The following SPTBN4 variants were observed in gnomAD, a reference collection of about 807,000 sequenced individuals.
SPTBN4 encodes the protein spectrin beta chain, non-erythrocytic 4.
In SPTBN4, 96 loss-of-function variants were observed where a neutral mutation model predicts 277.8. The ratio of observed to expected loss-of-function variants is 0.35; its 90% CI spans 0.29 to 0.41. The LOEUF is 0.41. Among genes scored for constraint, SPTBN4 ranks in the 10% least tolerant of loss-of-function variants. SPTBN4 has a pLI of 1.00. For synonymous variants in SPTBN4, 1,481 were observed against 1,580.3 expected (o/e 0.94, Z 1.49); for missense variants, 3,006 against 3,595.7 (o/e 0.84, Z 4.19).
chr19:40,573,855 A>G (rs540695168), intron 35 of SPTBN4, among the ~76,000 whole-genome samples: 21 of 152,120 alleles, frequency 1.4e-4, no homozygotes, highest in Non-Finnish European at 2.8e-4. Context: ...TAATCCCAGC[A>G]TTTTGGGAGG....
At chr19:40,518,710 C>A (rs1478428489) in intron 15 of SPTBN4, among the ~76,000 whole-genome samples, 1 of 152,132 alleles carries the variant, frequency 6.6e-6, no homozygotes, top group African/African-American at 2.4e-5. Flanking sequence ...AGGTGTGAAC[C>A]ACTGCACCCG....
intron 13 of SPTBN4, among the ~76,000 whole-genome samples, chr19:40,511,921 T>A (rs1305420183): frequency 6.6e-6 from 1 of 151,758 alleles, no homozygotes; most frequent in East Asian, 1.9e-4. Flanking sequence ...GTCAGGAGTT[T>A]GAGACCAGCC....
chr19:40,478,373 A>G (rs2079971911), intron 2 of SPTBN4, among the ~76,000 whole-genome samples: 1 of 152,220 alleles, frequency 6.6e-6, no homozygotes, highest in South Asian at 2.1e-4. Flanking sequence ...TCCTGTATGC[A>G]CAAAACTTTA....
Position 40,511,278 on chromosome 19 carries a change from C to T in SPTBN4, c.1817-1328C>T, listed in dbSNP as rs1378017587. Among the ~76,000 whole-genome samples the T allele has an allele frequency of 2.6e-5, 4 of 151,638 alleles. No homozygotes were observed. The South Asian group carries it at 6.2e-4, about 24-fold the overall frequency. ...AAAAAATTAGCTGGACATGGTGGCA[C>T]GCGCCTGTAATCCCAACTACTCTGG... On this transcript the variant is annotated intron_variant, in intron 13 of 35. Transcript: ENST00000598249.
chr19:40,556,026 C>A, intron 24 of SPTBN4, 58 bp from the exon 25 acceptor site: 1 of 1,496,764 alleles, frequency 6.7e-7, no homozygotes, highest in Non-Finnish European at 9.0e-7. Context: ...TTAGGGGGGT[C>A]ACGCTCTGCC....
chr19:40,480,815 C>T (rs2080002530), intron 2 of SPTBN4, among the ~76,000 whole-genome samples: 1 of 152,132 alleles, frequency 6.6e-6, no homozygotes, highest in African/African-American at 2.4e-5. Flanking sequence ...GTAATCCCAG[C>T]ACTTTGGGAG....
At chr19:40,498,246 A>C (rs1032722841) in intron 7 of SPTBN4, among the ~76,000 whole-genome samples, 3 of 152,134 alleles carry the variant, frequency 2.0e-5, no homozygotes, top group South Asian at 2.1e-4. Context: ...ATCCCAAATT[A>C]AAGCTGCTCC....
intron 13 of SPTBN4, among the ~76,000 whole-genome samples, chr19:40,510,169 C>T (rs1413435319): frequency 6.6e-6 from 1 of 152,072 alleles, no homozygotes; most frequent in Non-Finnish European, 1.5e-5. Flanking sequence ...GGCAATCCTT[C>T]CCCTCTCTGA....
intron 2 of SPTBN4, among the ~76,000 whole-genome samples, chr19:40,477,215 T>C (rs1362616184): frequency 6.6e-6 from 1 of 151,768 alleles, no homozygotes; most frequent in Non-Finnish European, 1.5e-5. Context: ...AATTTTCTTA[T>C]TATTTTATTT....
At chr19:40,570,380 A>T in intron 32 of SPTBN4, 56 bp from the exon 33 acceptor site, 2 of 1,275,974 alleles carry the variant, frequency 1.6e-6, no homozygotes, top group Non-Finnish European at 2.1e-6. Context: ...CCCCAAACAG[A>T]TGACCCCCAC....
chr19:40,524,503 T>C lies in SPTBN4; in HGVS notation c.3857+864T>C, dbSNP rs928355339. On this transcript the variant is annotated intron_variant, in intron 17 of 35. Coordinates refer to ENST00000598249, the MANE Select transcript of SPTBN4 (RefSeq NM_020971.3). ...GCCTGGATGACACAGCAACATTCTG[T>C]CCCCCCTCCAAAAAAAAAATGTGTT... The C allele has an allele frequency of 6.7e-6, 3 of 444,694 alleles. 1 individual carries two copies. The highest frequency in any genetic ancestry group is 4.8e-5 in the South Asian group (3 of 61,988). 27.5% of individuals were successfully genotyped at this position (444,694 alleles called of 1,614,324 possible).
At chr19:40,565,291 G>T in intron 27 of SPTBN4, 132 bp from the exon 28 acceptor site, 2 of 1,168,620 alleles carry the variant, frequency 1.7e-6, no homozygotes, top group African/African-American at 1.6e-5. Context: ...GAAAAGAAAA[G>T]AAAAGAAAGT....
Position 40,565,662 on chromosome 19 carries a change from T to C in SPTBN4, c.6056T>C (p.Ile2019Thr). The change falls in exon 29 of 36, where the codon ATC becomes ACC. Residue 2019 changes from isoleucine (I) to threonine (T), a missense_variant and splice_region_variant. Coordinates refer to ENST00000598249, the MANE Select transcript of SPTBN4 (RefSeq NM_020971.3). ...CTCCCACCCACCTGCCACTCCCAGA[T>C]CCAGGCACAGCTGGACAAGCTGGGA... is the stretch of plus-strand genomic sequence containing the variant. ...LLNKSAMADE[I>T]QAQLDKLGTR... is the part of the protein sequence containing the mutation. The C allele has an allele frequency of 1.3e-6, 2 of 1,556,870 alleles. No homozygotes were observed. Among genetic ancestry groups the C allele is most frequent in the Non-Finnish European group, 8.7e-7 (1 of 1,149,692 alleles).
chr19:40,505,221 C>CA (rs60448674), intron 12 of SPTBN4, among the ~76,000 whole-genome samples: 1,196 of 75,008 alleles, frequency 0.016, 22 homozygotes, highest in African/African-American at 0.04. Flanking sequence ...CCTGTCTGTA[C>CA]AAAAAAAAAA....
intron 18 of SPTBN4, among the ~76,000 whole-genome samples, chr19:40,532,288 TG>T (rs55803333): frequency 0.76 from 110,883 of 145,872 alleles, 43,085 homozygotes; most frequent in African/African-American, 0.85. Context: ...GAGCTTGTTT[TG>T]GGGGGGGTGA....
rs1439236515 is a variant in SPTBN4, at chr19:40,549,367, C to T, written c.4538C>T (p.Ala1513Val). The change falls in exon 21 of 36, where the codon GCT becomes GTT. Residue 1513 changes from alanine (A) to valine (V), a missense_variant. Transcript: ENST00000598249. Reference protein sequence around the residue: ...PLQERRRLLLASKELHQVAHD... With the variant: ...PLQERRRLLLVSKELHQVAHD... ...CAGGAGCGCCGCCGCTTGCTGCTGG[C>T]TTCCAAGGAGTTGCACCAGGTGGCG... 6 of 1,508,038 alleles carry T rather than the reference C, an allele frequency of 4.0e-6. No individual in the cohort carries two copies. The highest frequency in any genetic ancestry group is 4.4e-6 in the Non-Finnish European group (5 of 1,129,996). The allele number at this position is 1,508,038 out of a possible 1,614,324, so 93.4% of individuals were successfully genotyped here.
At chr19:40,479,704 T>TATATATATA (rs2079988506) in intron 2 of SPTBN4, among the ~76,000 whole-genome samples, 1 of 99,356 alleles carries the variant, frequency 1.0e-5, no homozygotes, top group Non-Finnish European at 2.0e-5. Flanking sequence ...ATATATATAT[T>TATATATATA]TAACTTTTTA....
chr19:40,568,952 C>T (rs1406931556), intron 31 of SPTBN4, among the ~76,000 whole-genome samples: 1 of 152,068 alleles, frequency 6.6e-6, no homozygotes, highest in Admixed American at 6.6e-5. Flanking sequence ...CTGAGTCGAG[C>T]GGTGACTGAA....
At chr19:40,565,386 C>T (rs370443859) in intron 27 of SPTBN4, 37 bp from the exon 28 acceptor site, 12 of 1,590,252 alleles carry the variant, frequency 7.5e-6, no homozygotes, top group Non-Finnish European at 1.0e-5. Context: ...TGAGGAGGCT[C>T]CCTGTGGCTC....
Sources: allele counts gnomAD v4.1 joint callset (sites outside exome capture counted in the v4.1 genomes callset), GRCh38; gene constraint gnomAD v4.1.1; transcripts MANE v1.5; gene names NCBI Gene and HGNC (gene_info 2026-07-23, HGNC 2026-07-21).